The following GALNT9 variants were observed in gnomAD, a reference collection of about 807,000 sequenced individuals.
GALNT9 encodes the protein polypeptide N-acetylgalactosaminyltransferase 9, also known as GalNAc transferase 9.
Under a neutral mutation model 63.1 loss-of-function variants are expected in GALNT9, and 47 were observed. That is an observed-to-expected ratio of 0.75 (90% CI 0.59 to 0.95). GALNT9 has a LOEUF of 0.95. GALNT9 is among the 40% of genes least tolerant of loss of function. The pLI is 0.00. For synonymous variants in GALNT9, 396 were observed against 365.7 expected, an observed-to-expected ratio of 1.08 and a Z score of -0.94; for missense variants, 829 against 874.8, an observed-to-expected ratio of 0.95 and a Z score of 0.66.
chr12:132,286,540 G>A lies in GALNT9; in HGVS notation c.239-110C>T, dbSNP rs1042224136. 7.0e-7 allele frequency: 1 copy of A among 1,429,376 alleles called. No individual in the cohort carries two copies. Among genetic ancestry groups the A allele is most frequent in the Non-Finnish European group, 9.2e-7 (1 of 1,090,434 alleles). The allele number at this position is 1,429,376 out of a possible 1,614,324, so 88.5% of individuals were successfully genotyped here. A position where few individuals can be genotyped will look rare whatever the true frequency, so the allele number is the denominator to read the frequency against. ...CCGACGGCCGCTTCCCCCGGTACAAGCCCAGCAAACTCCCTGCAGATGGCA... is the reference window on the plus strand; with the variant it reads ...CCGACGGCCGCTTCCCCCGGTACAAACCCAGCAAACTCCCTGCAGATGGCA... On this transcript the variant is annotated intron_variant, in intron 1 of 10. Transcript: ENST00000328957. This position sits in a 1 kb window ranked among gnomAD's most constrained non-coding sequence, Gnocchi z 7.4.
At chr12:132,229,271 G>A (rs932689354) in intron 6 of GALNT9, among the ~76,000 whole-genome samples, 60 of 152,270 alleles carry the variant, frequency 3.9e-4, no homozygotes, top group African/African-American at 1.3e-3. Context: ...TGGAGCCCAC[G>A]CCCCATCTCG....
chr12:132,230,040 G>A (rs1490689767), intron 6 of GALNT9, among the ~76,000 whole-genome samples: 2 of 152,192 alleles, frequency 1.3e-5, no homozygotes, highest in African/African-American at 4.8e-5. Flanking sequence ...AACCTGGGCA[G>A]GCGTGTGGCT....
chr12:132,218,001 T>C, intron 6 of GALNT9, among the ~76,000 whole-genome samples: 1 of 146,862 alleles, frequency 6.8e-6, no homozygotes, highest in Non-Finnish European at 1.5e-5. Flanking sequence ...ACCCACTCAT[T>C]TGCCCACCTA....
chr12:132,206,217 T>C (rs1876686564), intron 6 of GALNT9: 1 of 152,646 alleles, frequency 6.6e-6, no homozygotes, highest in South Asian at 2.1e-4. Flanking sequence ...CGAAGCACCT[T>C]GGCCTTCCCA....
intron 3 of GALNT9, among the ~76,000 whole-genome samples, chr12:132,262,222 G>C (rs1555239838): frequency 6.6e-6 from 1 of 152,200 alleles, no homozygotes; most frequent in African/African-American, 2.4e-5. Context: ...AGACACATGG[G>C]AGAGGCCGCA....
At position 132,196,578 on chromosome 12, in the gene GALNT9, G is replaced by A; in HGVS notation, c.*529C>T. 1.0e-6 allele frequency: 1 copy of A among 986,876 alleles called. No individual in the cohort carries two copies. The allele number at this position is 986,876 out of a possible 1,614,324, so 61.1% of individuals were successfully genotyped here. On this transcript the variant is annotated 3_prime_UTR_variant, in exon 11 of 11. Coordinates refer to ENST00000328957, the MANE Select transcript of GALNT9 (RefSeq NM_001122636.2). ...GCCAGCCTCCTAGACACGGCCTCAG[G>A]TTTGTCGCTGTCCATGTCCTCCAGC...
intron 1 of GALNT9, among the ~76,000 whole-genome samples, chr12:132,291,046 G>T (rs1356974021): frequency 5.4e-5 from 4 of 73,588 alleles, no homozygotes; most frequent in South Asian, 6.6e-4. Flanking sequence ...CACGTCCACA[G>T]CGCCCACATC....
intron 1 of GALNT9, among the ~76,000 whole-genome samples, chr12:132,323,492 G>A (rs915278782): frequency 3.3e-5 from 5 of 152,274 alleles, no homozygotes; most frequent in African/African-American, 1.2e-4. Flanking sequence ...GGAACGGGCT[G>A]AGTGGCTCTG....
intron 6 of GALNT9, among the ~76,000 whole-genome samples, chr12:132,229,410 C>G (rs1020889993): frequency 6.6e-6 from 1 of 152,234 alleles, no homozygotes; most frequent in Admixed American, 6.5e-5. Flanking sequence ...ATGAATAACT[C>G]GCTTCCCTTT....
In GALNT9 at chr12:132,261,057, G is replaced by C; in HGVS notation, c.652C>G (p.Arg218Gly). 1 of 1,551,468 alleles carries C rather than the reference G, an allele frequency of 6.4e-7. No individual in the cohort carries two copies. The highest frequency in any genetic ancestry group is 8.7e-7 in the Non-Finnish European group (1 of 1,146,952). The change falls in exon 4 of 11, where the codon CGC (arginine) becomes GGC (glycine). Residue 218 changes from arginine (R) to glycine (G), a missense_variant. By Grantham distance (125) the Arg-to-Gly change is moderately radical (BLOSUM62 -2). Transcript: ENST00000328957. ...KRYPGLVKIV[R>G]NSRREGLIRA... The stretch of plus-strand genomic sequence containing the variant: ...ATCAGTCCTTCCCGCCGGCTGTTGC[G>C]GACAATCTTCACGAGGCCTGGGTAC...
intron 2 of GALNT9, chr12:132,278,871 C>T (rs1489681223): frequency 1.3e-5 from 2 of 152,228 alleles, no homozygotes; most frequent in African/African-American, 4.8e-5. Context: ...GAGTGCGATT[C>T]GGTGTCCCTG....
At chr12:132,243,568 TCTGGCTCCCAGGAGAC>T (rs1337546129) in intron 6 of GALNT9, among the ~76,000 whole-genome samples, 1 of 152,182 alleles carries the variant, frequency 6.6e-6, no homozygotes, top group African/African-American at 2.4e-5. Context: ...CGTCTCTTCG[TCTGGCTCCCAGGAGAC>T]CCCAGTTCTA....
At chr12:132,326,035 C>G (rs1869022309) in intron 1 of GALNT9, among the ~76,000 whole-genome samples, 2 of 152,260 alleles carry the variant, frequency 1.3e-5, no homozygotes, top group Admixed American at 6.5e-5. Flanking sequence ...GCCCAGGCCT[C>G]GCATGGACAC....
intron 6 of GALNT9, among the ~76,000 whole-genome samples, chr12:132,224,752 C>T (rs1436395793): frequency 1.8e-4 from 26 of 143,780 alleles, no homozygotes; most frequent in South Asian, 2.3e-4. Flanking sequence ...CACACCCCTC[C>T]CACACCCCAC....
chr12:132,214,247 C>T (rs1877091084), intron 6 of GALNT9, among the ~76,000 whole-genome samples: 3 of 152,330 alleles, frequency 2.0e-5, no homozygotes, highest in South Asian at 2.1e-4. Flanking sequence ...CCAGCGACTC[C>T]GCCCTCCCTC....
chr12:132,226,117 C>T (rs1877670427), intron 6 of GALNT9, among the ~76,000 whole-genome samples: 1 of 144,228 alleles, frequency 6.9e-6, no homozygotes. Flanking sequence ...ACACATACAT[C>T]CCACACACCC....
chr12:132,245,424 A>C lies in GALNT9; in HGVS notation c.1077+2486T>G, dbSNP rs557695850. On this transcript the variant is annotated intron_variant, in intron 6 of 10. Transcript: ENST00000328957. This position sits in a 1 kb window ranked among gnomAD's most constrained non-coding sequence, Gnocchi z 6.3. Reference sequence around the variant, plus strand: ...GCCACTGCACTCCAGCCTGGGCAACAGAGTAAGACTCTGTCTTAAAAAAAA... The same window carrying C: ...GCCACTGCACTCCAGCCTGGGCAACCGAGTAAGACTCTGTCTTAAAAAAAA... Among the ~76,000 whole-genome samples the C allele has an allele frequency of 1.7e-4, 26 of 152,266 alleles. 1 individual carries two copies. In the South Asian group the frequency reaches 5.2e-3, roughly 30 times the overall value.
chr12:132,217,901 A>T (rs1285719739), intron 6 of GALNT9, among the ~76,000 whole-genome samples: 1 of 146,358 alleles, frequency 6.8e-6, no homozygotes. Context: ...CTATCCACCC[A>T]TCCATTCATC....
intron 6 of GALNT9, among the ~76,000 whole-genome samples, chr12:132,204,663 T>C (rs75810820): frequency 0.01 from 1,587 of 152,190 alleles, 18 homozygotes; most frequent in African/African-American, 0.034. Flanking sequence ...CTTTCACAGC[T>C]AAGCCCACGT....
Sources: gnomAD v4.1 joint callset for allele counts (sites outside exome capture counted in the v4.1 genomes callset) on GRCh38, gnomAD v4.1.1 for gene constraint, Gnocchi (gnomAD v3.1) non-coding constraint, MANE v1.5 for transcripts, NCBI Gene and HGNC (gene_info 2026-07-23, HGNC 2026-07-21) for gene names.